Variants in KLHDC2 observed in about 807,000 individuals in gnomAD.
The protein encoded by KLHDC2 is kelch domain-containing protein 2.
KLHDC2 carries 38 observed loss-of-function variants against 62.3 expected under a neutral mutation model. The ratio of observed to expected loss-of-function variants is 0.61; its 90% CI spans 0.47 to 0.80. The LOEUF is 0.80. Ranked by LOEUF, KLHDC2 falls within the 30% of genes least tolerant of loss-of-function variation. The probability of loss-of-function intolerance (pLI) is 0.00; values close to 1 mark genes in which losing one functional copy is unlikely to be tolerated. For missense variants in KLHDC2, 430 were observed against 495.3 expected, an observed-to-expected ratio of 0.87 and a Z score of 1.25; for synonymous variants, 159 against 161.0, an observed-to-expected ratio of 0.99 and a Z score of 0.09.
In KLHDC2 at chr14:49,778,050, C is replaced by T. The variant is rs1403019235; in HGVS notation, c.467+96C>T. ...GTAAACATTTGCACAGAACATACCT[C>T]ATAGGGCCCATATGAAGATTAACTG... is the stretch of plus-strand genomic sequence containing the variant. On this transcript the variant is annotated intron_variant, in intron 4 of 12. Transcript: ENST00000298307. The T allele has an allele frequency of 2.3e-5, 21 of 895,096 alleles. No homozygotes were observed. The Admixed American group carries it at 4.3e-4, about 19-fold the overall frequency. 55.4% of individuals were successfully genotyped at this position (895,096 alleles called of 1,614,324 possible). A position where few individuals can be genotyped will look rare whatever the true frequency, so the allele number is the denominator to read the frequency against.
intron 10 of KLHDC2, chr14:49,782,123 G>A (rs1361357480): frequency 4.4e-6 from 2 of 455,120 alleles, no homozygotes; most frequent in East Asian, 3.5e-5. Flanking sequence ...CTAGAGAACA[G>A]ATCGTTCAGT....
In KLHDC2 at chr14:49,771,577, A is replaced by AT. The variant is rs573143913; in HGVS notation, c.154-9dup. On this transcript the variant is annotated splice_polypyrimidine_tract_variant and intron_variant, in intron 1 of 12. Coordinates refer to ENST00000298307, the MANE Select transcript of KLHDC2 (RefSeq NM_014315.3). Reference sequence around the variant, plus strand: ...TAAAATACCAGTTTTTATATTTACAATTTTTTTTATTCTTAGAGTAATCAA... The same window carrying AT: ...TAAAATACCAGTTTTTATATTTACAATTTTTTTTTATTCTTAGAGTAATCAA... The AT allele has an allele frequency of 2.0e-4, 226 of 1,147,416 alleles. No homozygotes were observed. The South Asian group carries it at 2.1e-3, about 11-fold the overall frequency. 71.1% of individuals were successfully genotyped at this position (1,147,416 alleles called of 1,614,324 possible).
At position 49,782,983 on chromosome 14, in the gene KLHDC2, T is replaced by G. The variant is rs1177263116; in HGVS notation, c.*30T>G. ...TCATAAATAATGCCTATGATCACCT[T>G]GCATGGACAGCAATCCTGTAAACAT... On this transcript the variant is annotated 3_prime_UTR_variant, in exon 13 of 13. Coordinates refer to ENST00000298307, the MANE Select transcript of KLHDC2 (RefSeq NM_014315.3). 23 of 1,602,982 alleles carry G rather than the reference T, an allele frequency of 1.4e-5. No homozygotes were observed. Among genetic ancestry groups the G allele is most frequent in the Non-Finnish European group, 2.0e-5 (23 of 1,174,230 alleles).
chr14:49,768,980 TA>T (rs1234217704), intron 1 of KLHDC2: 1 of 207,390 alleles, frequency 4.8e-6, no homozygotes, highest in Non-Finnish European at 9.6e-6. Flanking sequence ...CGGTGTGTGA[TA>T]TCACTCAGAC....
intron 3 of KLHDC2, among the ~76,000 whole-genome samples, chr14:49,775,713 G>A (rs1004839562): frequency 7.3e-5 from 10 of 137,326 alleles, no homozygotes; most frequent in Non-Finnish European, 9.1e-5. Flanking sequence ...TGCAATCTCC[G>A]CCTCCCAGGT....
Position 49,780,305 on chromosome 14 carries a change from C to A in KLHDC2, c.866C>A (p.Thr289Asn). 2 of 1,601,488 alleles carry A rather than the reference C, an allele frequency of 1.2e-6. No individual in the cohort carries two copies. The highest frequency in any genetic ancestry group is 1.7e-6 in the Non-Finnish European group (2 of 1,168,508). ...CTTTTTCTCTTTGGAGGATTTACCA[C>A]TGATAAACAGCCACTAAGTAAGTCC... ...DHLFLFGGFT[T>N]DKQPLSDAWT... Residue 289 changes from threonine to asparagine, a missense_variant, in exon 9 of 13, where the codon ACT becomes AAT. Physicochemically the swap from Thr to Asn is moderately conservative, Grantham distance 65 (BLOSUM62 0). Coordinates refer to ENST00000298307, the MANE Select transcript of KLHDC2 (RefSeq NM_014315.3).
In KLHDC2 at chr14:49,780,713, G is replaced by A; in HGVS notation, c.894G>A (p.Trp298Ter). ...CTTTGCTTGAATCAGGTGATGCCTG[G>A]ACTTACTGCATCAGTAAAAATGAAT... ...TTDKQPLSDA[W>*]TYCISKNEWI... The change falls in exon 10 of 13, where the codon TGG becomes TGA. Residue 298 changes from tryptophan to a stop codon, truncating the protein, a stop_gained. Coordinates refer to ENST00000298307, the MANE Select transcript of KLHDC2 (RefSeq NM_014315.3). LOFTEE classifies it high-confidence loss of function. The A allele has an allele frequency of 6.2e-7, 1 of 1,606,102 alleles. No homozygotes were observed. Among genetic ancestry groups the A allele is most frequent in the Non-Finnish European group, 8.5e-7 (1 of 1,172,748 alleles).
rs374566418 is a variant in KLHDC2 at position 49,782,995 on chromosome 14, A to G, written c.*42A>G. On this transcript the variant is annotated 3_prime_UTR_variant, in exon 13 of 13. Coordinates refer to ENST00000298307, the MANE Select transcript of KLHDC2 (RefSeq NM_014315.3). The stretch of plus-strand genomic sequence containing the variant: ...CCTATGATCACCTTGCATGGACAGC[A>G]ATCCTGTAAACATCACAGAGTGGCA... 6.3e-7 allele frequency: 1 copy of G among 1,589,376 alleles called. No homozygotes were observed. The highest frequency in any genetic ancestry group is 8.6e-7 in the Non-Finnish European group (1 of 1,166,034).
rs773889422 is a variant in KLHDC2, at chr14:49,774,610, T to C, written c.283T>C (p.Cys95Arg). 1.2e-6 allele frequency: 2 copies of C among 1,613,956 alleles called. No individual in the cohort carries two copies. The highest frequency in any genetic ancestry group is 4.5e-5 in the East Asian group (2 of 44,886). The change falls in exon 3 of 13, where the codon TGT becomes CGT. Residue 95 changes from cysteine (C) to arginine (R), a missense_variant. Coordinates refer to ENST00000298307, the MANE Select transcript of KLHDC2 (RefSeq NM_014315.3). ...GDVPPSMSGS[C>R]AVCVDRVLYL... ...TGTTCCTCCTTCTATGTCAGGAAGC[T>C]GTGCTGTGTGTGTAGACAGGGTGCT...
chr14:49,784,606 C>G lies in KLHDC2; in HGVS notation c.*1653C>G, dbSNP rs781317995. 6.5e-7 allele frequency: 1 copy of G among 1,526,806 alleles called. No individual in the cohort carries two copies. Among genetic ancestry groups the G allele is most frequent in the South Asian group, 1.2e-5 (1 of 86,304 alleles). 94.6% of individuals were successfully genotyped at this position (1,526,806 alleles called of 1,614,324 possible). On this transcript the variant is annotated 3_prime_UTR_variant, in exon 13 of 13. Transcript: ENST00000298307. ...CTTCCAAAAGGCTATAAAATTGGCTCTTCTCAAATATTTTAGAATTTCATT... is the reference window on the plus strand; with the variant it reads ...CTTCCAAAAGGCTATAAAATTGGCTGTTCTCAAATATTTTAGAATTTCATT...
chr14:49,782,217 GCTA>G (rs1336629803), intron 10 of KLHDC2, 150 bp from the exon 11 acceptor site: 1 of 545,392 alleles, frequency 1.8e-6, no homozygotes, highest in African/African-American at 1.9e-5. Context: ...ATCTGCTTTT[GCTA>G]CTTTCCCTTA....
Position 49,785,108 on chromosome 14 carries a change from C to T in KLHDC2, c.*2155C>T. The T allele has an allele frequency of 6.2e-7, 1 of 1,605,802 alleles. No individual in the cohort carries two copies. The highest frequency in any genetic ancestry group is 8.5e-7 in the Non-Finnish European group (1 of 1,172,694). On this transcript the variant is annotated 3_prime_UTR_variant, in exon 13 of 13. Transcript: ENST00000298307. ...TTTAAATACCTTTTCCCTTTTTCTGCACTCCAGGAGTAAGTTTCACTTTAT... is the reference window on the plus strand; with the variant it reads ...TTTAAATACCTTTTCCCTTTTTCTGTACTCCAGGAGTAAGTTTCACTTTAT...
At chr14:49,772,467 C>G (rs1376141184) in intron 2 of KLHDC2, among the ~76,000 whole-genome samples, 1 of 152,168 alleles carries the variant, frequency 6.6e-6, no homozygotes, top group Non-Finnish European at 1.5e-5. Context: ...TGGAGATAAT[C>G]TGAAATGATC....
chr14:49,784,404 A>C lies in KLHDC2; in HGVS notation c.*1451A>C. The C allele has an allele frequency of 7.1e-6, 3 of 421,374 alleles. No homozygotes were observed. The South Asian group carries it at 1.4e-4, about 20-fold the overall frequency. 26.1% of individuals were successfully genotyped at this position (421,374 alleles called of 1,614,324 possible). A position where few individuals can be genotyped will look rare whatever the true frequency, so the allele number is the denominator to read the frequency against. ...AAATGTAGAATAACTACAGATGTATATTAATTAGCATTTAACTGTCCACAA... is the reference window on the plus strand; with the variant it reads ...AAATGTAGAATAACTACAGATGTATCTTAATTAGCATTTAACTGTCCACAA... On this transcript the variant is annotated 3_prime_UTR_variant, in exon 13 of 13. Transcript: ENST00000298307.
At chr14:49,770,520 G>T (rs1352804121) in intron 1 of KLHDC2, among the ~76,000 whole-genome samples, 1 of 152,164 alleles carries the variant, frequency 6.6e-6, no homozygotes, top group Non-Finnish European at 1.5e-5. Flanking sequence ...AACCGCAGTC[G>T]TTTACTGTGT....
rs1373763166 is a variant in KLHDC2 at position 49,780,700 on chromosome 14, C to A, written c.884-3C>A. 10 of 1,593,528 alleles carry A rather than the reference C, an allele frequency of 6.3e-6. No individual in the cohort carries two copies. The highest frequency in any genetic ancestry group is 8.6e-6 in the Non-Finnish European group (10 of 1,161,308). Reference sequence around the variant, plus strand: ...ACATACTTCATTTCTTTGCTTGAATCAGGTGATGCCTGGACTTACTGCATC... The same window carrying A: ...ACATACTTCATTTCTTTGCTTGAATAAGGTGATGCCTGGACTTACTGCATC... On this transcript the variant is annotated splice_region_variant and splice_polypyrimidine_tract_variant and intron_variant, in intron 9 of 12. Transcript: ENST00000298307.
Position 49,768,285 on chromosome 14 carries a change from A to C in KLHDC2, c.-184A>C, listed in dbSNP as rs1428685697. The C allele has an allele frequency of 5.1e-6, 3 of 590,478 alleles. No homozygotes were observed. In the African/African-American group the frequency reaches 6.0e-5, roughly 12 times the overall value. The allele number at this position is 590,478 out of a possible 1,614,324, so 36.6% of individuals were successfully genotyped here. A position where few individuals can be genotyped will look rare whatever the true frequency, so the allele number is the denominator to read the frequency against. On this transcript the variant is annotated 5_prime_UTR_variant, in exon 1 of 13. Coordinates refer to ENST00000298307, the MANE Select transcript of KLHDC2 (RefSeq NM_014315.3). ...TGCAGGCGTGCCCCGGCGGCGGCGG[A>C]GAGCCGTCCTCGGCCGAGGAGGCTG...
chr14:49,780,942 C>T (rs1245579988), intron 10 of KLHDC2, among the ~76,000 whole-genome samples, 167 bp downstream of exon 10: 1 of 152,238 alleles, frequency 6.6e-6, no homozygotes, highest in East Asian at 1.9e-4. Flanking sequence ...GAATGATCTC[C>T]TTTCCGTCAT....
chr14:49,778,948 C>A (rs1889829793), intron 6 of KLHDC2, among the ~76,000 whole-genome samples: 1 of 152,110 alleles, frequency 6.6e-6, no homozygotes, highest in Non-Finnish European at 1.5e-5. Context: ...TGGTCTTGAA[C>A]TCCTGATCTT....
Sources: gnomAD v4.1 joint callset for allele counts (sites outside exome capture counted in the v4.1 genomes callset) on GRCh38, gnomAD v4.1.1 for gene constraint, MANE v1.5 for transcripts, NCBI Gene and HGNC (gene_info 2026-07-23, HGNC 2026-07-21) for gene names.